TNNI3K: variants seen among roughly 807,000 people sequenced by gnomAD.
TNNI3K encodes serine/threonine-protein kinase TNNI3K.
In TNNI3K, 140 loss-of-function variants were observed where a neutral mutation model predicts 114.5. The ratio of observed to expected loss-of-function variants is 1.22; its 90% CI spans 1.07 to 1.41. The LOEUF (loss-of-function observed/expected upper bound fraction) is 1.41. Among genes scored for constraint, TNNI3K ranks in the 40% most tolerant of loss-of-function variants. The pLI is 0.00. For synonymous variants in TNNI3K, 347 were observed against 347.5 expected (o/e 1.00, Z 0.02); for missense variants, 1,125 against 1,007.6 (o/e 1.12, Z -1.58).
chr1:74,427,072 G>C (rs553841566), intron 17 of TNNI3K, among the ~76,000 whole-genome samples: 13 of 151,854 alleles, frequency 8.6e-5, no homozygotes, highest in African/African-American at 2.9e-4. Context: ...CCTTTTTTCT[G>C]TCTGCTACAT....
chr1:74,363,555 T>C (rs1386419426), intron 11 of TNNI3K, among the ~76,000 whole-genome samples: 1 of 151,850 alleles, frequency 6.6e-6, no homozygotes, highest in East Asian at 1.9e-4. Flanking sequence ...ACATCAAGGG[T>C]GTGATCACTA....
At position 74,481,265 on chromosome 1, in the gene TNNI3K, G is replaced by A. The variant is rs189672290; in HGVS notation, c.2122-7924G>A. Among the ~76,000 whole-genome samples, 12 of 152,158 alleles carry A rather than the reference G, an allele frequency of 7.9e-5. No homozygotes were observed. In the South Asian group the frequency reaches 2.1e-3, roughly 26 times the overall value. Reference sequence around the variant, plus strand: ...TTCATTGTTTCGGATTATCTTCATCGATGTTATTTTGAAGGTGTCTTTTCA... The same window carrying A: ...TTCATTGTTTCGGATTATCTTCATCAATGTTATTTTGAAGGTGTCTTTTCA... On this transcript the variant is annotated intron_variant, in intron 21 of 24. Transcript: ENST00000326637.
chr1:74,525,176 G>A (rs1646487191), intron 23 of TNNI3K, among the ~76,000 whole-genome samples: 1 of 152,098 alleles, frequency 6.6e-6, no homozygotes, highest in African/African-American at 2.4e-5. Flanking sequence ...TGGAAGAGGG[G>A]AAGGAAAGAA....
At chr1:74,265,816 A>C (rs1655944600) in intron 4 of TNNI3K, among the ~76,000 whole-genome samples, 1 of 152,000 alleles carries the variant, frequency 6.6e-6, no homozygotes, top group Non-Finnish European at 1.5e-5. Context: ...GGAAGTGCCC[A>C]TCAATATTGA....
chr1:74,368,645 T>A (rs1195911879), intron 13 of TNNI3K, among the ~76,000 whole-genome samples: 1 of 151,860 alleles, frequency 6.6e-6, no homozygotes, highest in Non-Finnish European at 1.5e-5. Flanking sequence ...GGTTGCCATG[T>A]CATGCAGGAA....
chr1:74,527,513 A>G (rs1646518636), intron 23 of TNNI3K, among the ~76,000 whole-genome samples: 1 of 152,234 alleles, frequency 6.6e-6, no homozygotes, highest in Non-Finnish European at 1.5e-5. Flanking sequence ...TGTGGGATTT[A>G]TAAGGCATGA....
At chr1:74,292,626 C>T (rs1410378847) in intron 5 of TNNI3K, among the ~76,000 whole-genome samples, 2 of 151,498 alleles carry the variant, frequency 1.3e-5, no homozygotes, top group Admixed American at 1.3e-4. Context: ...AATATTTAGT[C>T]AATTTTGTGA....
intron 21 of TNNI3K, chr1:74,470,916 C>T (rs1315293538): frequency 4.2e-5 from 17 of 400,522 alleles, no homozygotes; most frequent in East Asian, 3.6e-5. Context: ...CAGTGGACTC[C>T]GTTGTCCCTT....
intron 17 of TNNI3K, among the ~76,000 whole-genome samples, chr1:74,414,207 G>A (rs577885257): frequency 6.6e-6 from 1 of 152,192 alleles, no homozygotes; most frequent in African/African-American, 2.4e-5. Flanking sequence ...ATCTATGCTG[G>A]TTAGTTTACA....
intron 5 of TNNI3K, among the ~76,000 whole-genome samples, chr1:74,297,520 T>TGC (rs1658063737): frequency 8.1e-6 from 1 of 122,964 alleles, no homozygotes; most frequent in Admixed American, 8.7e-5. Flanking sequence ...AGTGTGTGTG[T>TGC]GCGTGTGTGT....
chr1:74,480,926 T>G, intron 21 of TNNI3K: 1 of 717,180 alleles, frequency 1.4e-6, no homozygotes, highest in Non-Finnish European at 2.6e-6. Context: ...AGAGGAGAGA[T>G]ATCCATCGGT....
At chr1:74,236,010 A>C in intron 1 of TNNI3K, 92 bp from the exon 2 acceptor site, 1 of 885,888 alleles carries the variant, frequency 1.1e-6, no homozygotes, top group East Asian at 2.7e-5. Context: ...ATCTAGAATA[A>C]AAAACAGTTT....
At chr1:74,338,674 T>C (rs576277050) in intron 7 of TNNI3K, among the ~76,000 whole-genome samples, 32 of 152,288 alleles carry the variant, frequency 2.1e-4, no homozygotes, top group African/African-American at 7.5e-4. Flanking sequence ...CAATGTTTTT[T>C]ATCTACCCAT....
intron 4 of TNNI3K, among the ~76,000 whole-genome samples, chr1:74,254,115 T>A (rs1655130070): frequency 6.6e-6 from 1 of 152,206 alleles, no homozygotes; most frequent in Non-Finnish European, 1.5e-5. Flanking sequence ...TACAAGAAAC[T>A]GCTTATCCAG....
chr1:74,509,409 T>C (rs2100372429), intron 23 of TNNI3K, among the ~76,000 whole-genome samples: 1 of 152,318 alleles, frequency 6.6e-6, no homozygotes, highest in South Asian at 2.1e-4. Context: ...GCTAGAGTAC[T>C]ACATAACAAT....
intron 23 of TNNI3K, among the ~76,000 whole-genome samples, chr1:74,516,475 T>G (rs749134433): frequency 6.6e-6 from 1 of 152,206 alleles, no homozygotes; most frequent in Non-Finnish European, 1.5e-5. Flanking sequence ...GTCCTTTTAC[T>G]GTGGGGCTTA....
chr1:74,249,448 GT>G lies in TNNI3K; in HGVS notation c.150-4del. 1.9e-6 allele frequency: 3 copies of G among 1,609,078 alleles called. No homozygotes were observed. Among genetic ancestry groups the G allele is most frequent in the Non-Finnish European group, 1.7e-6 (2 of 1,177,954 alleles). Reference sequence around the variant, plus strand: ...TGAATTTTGTGATCATCTGTAACATGTTTTTTTCAGCTCTGATGAAGCCTTC... The same window carrying G: ...TGAATTTTGTGATCATCTGTAACATGTTTTTTCAGCTCTGATGAAGCCTTC... On this transcript the variant is annotated splice_polypyrimidine_tract_variant and intron_variant, in intron 2 of 24. Coordinates refer to ENST00000326637, the MANE Select transcript of TNNI3K (RefSeq NM_015978.3).
rs45592143 is a variant in TNNI3K, at chr1:74,489,172, C to CT, written c.2122-11dup. 41,274 of 1,601,692 alleles carry CT rather than the reference C, an allele frequency of 0.026. 2,690 individuals carry two copies. The highest frequency in any genetic ancestry group is 0.26 in the African/African-American group (19,025 of 74,032). ...CTTTTATTCTTAAGGGAAAAAAGTT[C>CT]TTTTTTCTATTTACAGGGAAGACCC... On this transcript the variant is annotated splice_polypyrimidine_tract_variant and intron_variant, in intron 21 of 24. Coordinates refer to ENST00000326637, the MANE Select transcript of TNNI3K (RefSeq NM_015978.3).
intron 11 of TNNI3K, among the ~76,000 whole-genome samples, chr1:74,361,515 A>G (rs1057363561): frequency 6.6e-6 from 1 of 152,132 alleles, no homozygotes; most frequent in African/African-American, 2.4e-5. Context: ...TTCAACAAAA[A>G]TGTATTGCCA....
Sources: allele counts gnomAD v4.1 joint callset (sites outside exome capture counted in the v4.1 genomes callset), GRCh38; gene constraint gnomAD v4.1.1; transcripts MANE v1.5; gene names NCBI Gene and HGNC (gene_info 2026-07-23, HGNC 2026-07-21).